Variants in MCCC1 observed in about 807,000 individuals in gnomAD.
MCCC1 encodes the protein methylcrotonoyl-CoA carboxylase subunit alpha, mitochondrial.
A neutral mutation model predicts 83.8 loss-of-function variants in MCCC1; 64 were observed. That is an observed-to-expected ratio of 0.76 (90% CI 0.62 to 0.94). MCCC1 has a LOEUF of 0.94. MCCC1 is among the 40% of genes least tolerant of loss of function. The pLI is 0.00. For missense variants in MCCC1, 807 were observed against 904.7 expected, an observed-to-expected ratio of 0.89 and a Z score of 1.39; for synonymous variants, 322 against 315.4, an observed-to-expected ratio of 1.02 and a Z score of -0.22.
chr3:183,063,914 A>G (rs926633826), intron 7 of MCCC1, among the ~76,000 whole-genome samples: 1 of 152,156 alleles, frequency 6.6e-6, no homozygotes, highest in African/African-American at 2.4e-5. Flanking sequence ...AAAGGATAGG[A>G]TTGGGTTACA....
intron 13 of MCCC1, among the ~76,000 whole-genome samples, chr3:183,035,751 T>A (rs968038737): frequency 1.3e-5 from 2 of 152,136 alleles, no homozygotes; most frequent in Non-Finnish European, 2.9e-5. Flanking sequence ...AAAATTCTGT[T>A]TGCTCCGAAA....
At chr3:183,032,028 A>AT (rs898781029) in intron 14 of MCCC1, among the ~76,000 whole-genome samples, 3 of 152,058 alleles carry the variant, frequency 2.0e-5, no homozygotes, top group Non-Finnish European at 4.4e-5. Flanking sequence ...GCTTATTAGC[A>AT]TTTTTTGGAG....
At chr3:183,039,542 T>G (rs547189971) in intron 11 of MCCC1, among the ~76,000 whole-genome samples, 2 of 152,184 alleles carry the variant, frequency 1.3e-5, no homozygotes, top group Non-Finnish European at 2.9e-5. Context: ...AGTTTAATAA[T>G]TCCTCTGTCC....
Position 183,015,422 on chromosome 3 carries a change from A to T in MCCC1, c.*16T>A. On this transcript the variant is annotated 3_prime_UTR_variant, in exon 19 of 19. Coordinates refer to ENST00000265594, the MANE Select transcript of MCCC1 (RefSeq NM_020166.5). ...GAGAGAAGACACTACTTAACTGGCC[A>T]TTTCCTTGCTGGAGTTTATTCCGAT... 6.2e-7 allele frequency: 1 copy of T among 1,613,876 alleles called. No individual in the cohort carries two copies. The highest frequency in any genetic ancestry group is 8.5e-7 in the Non-Finnish European group (1 of 1,179,918).
chr3:183,019,389 G>A (rs1173949581), intron 17 of MCCC1, among the ~76,000 whole-genome samples: 1 of 152,180 alleles, frequency 6.6e-6, no homozygotes, highest in African/African-American at 2.4e-5. Flanking sequence ...TTTAGCAGGT[G>A]ATTAGGTCAT....
chr3:183,022,514 C>T lies in MCCC1; in HGVS notation c.1772G>A (p.Ser591Asn), dbSNP rs569721834. 797 of 1,613,778 alleles carry T rather than the reference C, an allele frequency of 4.9e-4. 11 individuals carry two copies. The South Asian group carries it at 7.9e-3, about 16-fold the overall frequency. Residue 591 changes from serine to asparagine, a missense_variant, in exon 16 of 19, where the codon AGC (serine) becomes AAC (asparagine). Physicochemically the swap from Ser to Asn is conservative, Grantham distance 46 (BLOSUM62 1). Coordinates refer to ENST00000265594, the MANE Select transcript of MCCC1 (RefSeq NM_020166.5). The stretch of plus-strand genomic sequence containing the variant: ...TTTCAGGTAAGTGCAGTCTCCCTCG[C>T]TGTAAAGATTACCAAGGACTTGGAA... Reference protein sequence around the residue: ...KTFQVLGNLYSEGDCTYLKCS... With the variant: ...KTFQVLGNLYNEGDCTYLKCS...
At chr3:183,044,216 C>T (rs763819737) in intron 10 of MCCC1, among the ~76,000 whole-genome samples, 1 of 152,016 alleles carries the variant, frequency 6.6e-6, no homozygotes, top group Non-Finnish European at 1.5e-5. Context: ...ATATCAGGAC[C>T]GTCTATATTA....
intron 14 of MCCC1, among the ~76,000 whole-genome samples, chr3:183,026,600 C>T (rs1168252375): frequency 6.6e-6 from 1 of 152,064 alleles, no homozygotes; most frequent in South Asian, 2.1e-4. Flanking sequence ...ATCCCAGCTA[C>T]TCAGGGGGCT....
chr3:183,103,547 T>C (rs902059773), upstream of MCCC1, among the ~76,000 whole-genome samples: 9 of 152,016 alleles, frequency 5.9e-5, no homozygotes, highest in African/African-American at 1.7e-4. Flanking sequence ...AGAGTGTCAA[T>C]TGGTGCATTC....
At chr3:183,074,876 C>T (rs1716951467) in intron 4 of MCCC1, among the ~76,000 whole-genome samples, 1 of 152,150 alleles carries the variant, frequency 6.6e-6, no homozygotes, top group Non-Finnish European at 1.5e-5. Flanking sequence ...CCCACCTTCC[C>T]CACTCAGGTA....
chr3:183,104,107 C>G (rs1233639515), upstream of MCCC1, among the ~76,000 whole-genome samples: 1 of 152,198 alleles, frequency 6.6e-6, no homozygotes, highest in Non-Finnish European at 1.5e-5. Flanking sequence ...CGCGCAGCCC[C>G]GGTTCCCGCT....
intron 4 of MCCC1, among the ~76,000 whole-genome samples, chr3:183,077,488 A>T (rs1717163393): frequency 6.6e-6 from 1 of 152,188 alleles, no homozygotes; most frequent in Non-Finnish European, 1.5e-5. Context: ...CTAACAGCTA[A>T]TATGTTGAAC....
chr3:183,017,559 G>A (rs901335901), intron 17 of MCCC1: 9 of 548,892 alleles, frequency 1.6e-5, no homozygotes, highest in African/African-American at 1.5e-4. Context: ...CAGAAGTAGA[G>A]CCCATGTGGT....
chr3:183,082,453 C>A (rs1330983744), intron 4 of MCCC1, among the ~76,000 whole-genome samples: 1 of 152,186 alleles, frequency 6.6e-6, no homozygotes, highest in Non-Finnish European at 1.5e-5. Flanking sequence ...AAGTGTACAG[C>A]TCTTAAGTCC....
Position 183,094,624 on chromosome 3 carries a change from A to C in MCCC1, c.90-19T>G, listed in dbSNP as rs1200531033. The C allele has an allele frequency of 2.5e-6, 4 of 1,611,698 alleles. No homozygotes were observed. The highest frequency in any genetic ancestry group is 3.4e-6 in the Non-Finnish European group (4 of 1,177,894). ...CCATGTCCTATAACATAAATCCAAAAGGAATTACAATTAAACAGAATAGGC... is the reference window on the plus strand; with the variant it reads ...CCATGTCCTATAACATAAATCCAAACGGAATTACAATTAAACAGAATAGGC... On this transcript the variant is annotated intron_variant, in intron 1 of 18. Transcript: ENST00000265594.
At chr3:183,052,336 T>G (rs1715042094) in intron 8 of MCCC1, 96 bp from the exon 9 acceptor site, 3 of 1,066,296 alleles carry the variant, frequency 2.8e-6, no homozygotes, top group Non-Finnish European at 4.3e-6. Context: ...ATAATGACGT[T>G]TCTTAGTCAA....
At chr3:183,057,260 GT>G in intron 8 of MCCC1, 50 bp downstream of exon 8, 1 of 1,357,990 alleles carries the variant, frequency 7.4e-7, no homozygotes, top group Non-Finnish European at 1.0e-6. Context: ...GAAAATCAGA[GT>G]AAGATTCACA....
intron 7 of MCCC1, among the ~76,000 whole-genome samples, chr3:183,063,830 G>A (rs1449838943): frequency 6.6e-6 from 1 of 152,178 alleles, no homozygotes; most frequent in Non-Finnish European, 1.5e-5. Flanking sequence ...GGACGATACT[G>A]CGGAGACCCT....
chr3:183,044,220 T>C (rs1714346893), intron 10 of MCCC1, among the ~76,000 whole-genome samples: 1 of 152,240 alleles, frequency 6.6e-6, no homozygotes, highest in Admixed American at 6.5e-5. Context: ...CAGGACCGTC[T>C]ATATTACTTA....
Sources: allele counts gnomAD v4.1 joint callset (sites outside exome capture counted in the v4.1 genomes callset), GRCh38; gene constraint gnomAD v4.1.1; transcripts MANE v1.5; gene names NCBI Gene and HGNC (gene_info 2026-07-23, HGNC 2026-07-21).